Variants in DUSP16 observed in about 807,000 individuals in gnomAD.
DUSP16 encodes dual specificity phosphatase 16, also known as dual specificity protein phosphatase 16.
Under a neutral mutation model 58.3 loss-of-function variants are expected in DUSP16, and 21 were observed. The ratio of observed to expected loss-of-function variants is 0.36; its 90% confidence interval spans 0.26 to 0.52. The LOEUF (loss-of-function observed/expected upper bound fraction) is 0.52. DUSP16 is among the 20% of genes least tolerant of loss of function. DUSP16 has a pLI of 0.94. For missense variants in DUSP16, 726 were observed against 819.0 expected, an observed-to-expected ratio of 0.89 and a Z score of 1.39; for synonymous variants, 320 against 323.8, an observed-to-expected ratio of 0.99 and a Z score of 0.12.
rs78156827 is a variant in DUSP16 at position 12,509,053 on chromosome 12, T to C, written c.368-8371A>G. 5.5e-3 allele frequency among the ~76,000 whole-genome samples: 841 copies of C among 152,314 alleles called. 6 individuals carry two copies. Among genetic ancestry groups the C allele is most frequent in the African/African-American group, 0.018 (766 of 41,570 alleles). Reference sequence around the variant, plus strand: ...GTAACTATTCTGCTGATCTTTTAAATTGGCAATACATAACTATGCCCAGAA... The same window carrying C: ...GTAACTATTCTGCTGATCTTTTAAACTGGCAATACATAACTATGCCCAGAA... On this transcript the variant is annotated intron_variant, in intron 3 of 6. Transcript: ENST00000298573.
At chr12:12,518,693 T>C (rs959184560) in intron 3 of DUSP16, among the ~76,000 whole-genome samples, 1 of 152,200 alleles carries the variant, frequency 6.6e-6, no homozygotes, top group African/African-American at 2.4e-5. Context: ...AGAATGTGTC[T>C]ATCAACAGAG....
At chr12:12,530,764 TATCTACTAAGAGA>T (rs1246054077) in intron 1 of DUSP16, among the ~76,000 whole-genome samples, 1 of 152,190 alleles carries the variant, frequency 6.6e-6, no homozygotes, top group Non-Finnish European at 1.5e-5. Context: ...AAGTGTGTTG[TATCTACTAAGAGA>T]ATCTTAGTTT....
chr12:12,477,233 C>T lies in DUSP16; in HGVS notation c.1598G>A (p.Gly533Asp). 3 of 1,614,156 alleles carry T rather than the reference C, an allele frequency of 1.9e-6. No homozygotes were observed. Among genetic ancestry groups the T allele is most frequent in the African/African-American group, 1.3e-5 (1 of 75,046 alleles). Residue 533 changes from glycine (G) to aspartate (D), a missense_variant, in exon 7 of 7, where the codon GGC becomes GAC. Gly to Asp is a moderately conservative substitution (Grantham distance 94). Coordinates refer to ENST00000298573, the MANE Select transcript of DUSP16 (RefSeq NM_030640.3). This position sits in a 1 kb window ranked among gnomAD's most constrained non-coding sequence, Gnocchi z 4.1. ...CGAGTGCCAGCCCTTAAGGCCCAGGCCAGCAGACTTCGTGAGGTGCTGCTG... is the reference window on the plus strand; with the variant it reads ...CGAGTGCCAGCCCTTAAGGCCCAGGTCAGCAGACTTCGTGAGGTGCTGCTG... Reference protein sequence around the residue: ...TSQQHLTKSAGLGLKGWHSDI... With the variant: ...TSQQHLTKSADLGLKGWHSDI...
At chr12:12,527,639 T>A (rs1944324887) in intron 1 of DUSP16, among the ~76,000 whole-genome samples, 1 of 152,158 alleles carries the variant, frequency 6.6e-6, no homozygotes, top group African/African-American at 2.4e-5. Context: ...TATAAAAGTA[T>A]AAAACAAAGT....
At position 12,562,839 on chromosome 12, in the gene DUSP16, T is replaced by G. The variant is rs929276890; in HGVS notation, c.-1088A>C. Among the ~76,000 whole-genome samples the G allele has an allele frequency of 9.2e-5, 14 of 151,720 alleles. No individual in the cohort carries two copies. The highest frequency in any genetic ancestry group is 4.6e-4 in the Admixed American group (7 of 15,268). Reference sequence around the variant, plus strand: ...CCGCTCGGGGAGGGGTCAGGTCATGTTCCCTTCCAGAGTCCGGCGACTCTG... The same window carrying G: ...CCGCTCGGGGAGGGGTCAGGTCATGGTCCCTTCCAGAGTCCGGCGACTCTG... On this transcript the variant is annotated 5_prime_UTR_variant, in exon 1 of 7. Transcript: ENST00000298573.
At chr12:12,498,150 A>C (rs1219764108) in intron 4 of DUSP16, among the ~76,000 whole-genome samples, 1 of 152,146 alleles carries the variant, frequency 6.6e-6, no homozygotes, top group Non-Finnish European at 1.5e-5. Context: ...TTTCTCTTGG[A>C]AAGTATAAAT....
At chr12:12,547,933 T>C (rs1944671157) in intron 1 of DUSP16, among the ~76,000 whole-genome samples, 2 of 152,128 alleles carry the variant, frequency 1.3e-5, no homozygotes, top group Non-Finnish European at 2.9e-5. Flanking sequence ...ATCCCTCTGG[T>C]TTACATATAA....
chr12:12,497,495 A>G (rs1346284567), intron 4 of DUSP16, among the ~76,000 whole-genome samples: 1 of 152,190 alleles, frequency 6.6e-6, no homozygotes, highest in African/African-American at 2.4e-5. Flanking sequence ...TCTGAAGTCC[A>G]TGACATAATC....
chr12:12,543,578 T>C (rs74061706), intron 1 of DUSP16, among the ~76,000 whole-genome samples: 8,304 of 152,246 alleles, frequency 0.055, 249 homozygotes, highest in Middle Eastern at 0.075. Flanking sequence ...CCCTGTAACA[T>C]GTTTATAACT....
chr12:12,544,534 C>G (rs971156704), intron 1 of DUSP16, among the ~76,000 whole-genome samples: 10 of 152,198 alleles, frequency 6.6e-5, no homozygotes, highest in Non-Finnish European at 8.8e-5. Flanking sequence ...ATAATAGATA[C>G]AACCAGTTTT....
intron 3 of DUSP16, 33 bp downstream of exon 3, chr12:12,519,829 T>G (rs761030626): frequency 6.2e-7 from 1 of 1,612,466 alleles, no homozygotes. Flanking sequence ...TCAGCAAGAT[T>G]CTGAGTCCTT....
intron 3 of DUSP16, among the ~76,000 whole-genome samples, chr12:12,514,940 T>C (rs1944126373): frequency 6.6e-6 from 1 of 152,174 alleles, no homozygotes; most frequent in African/African-American, 2.4e-5. Context: ...AATACAGGCA[T>C]AAGCCACCAT....
In DUSP16 at chr12:12,521,355, T is replaced by C. The variant is rs1592191876; in HGVS notation, c.-257A>G. 7.3e-7 allele frequency: 1 copy of C among 1,362,848 alleles called. No homozygotes were observed. The highest frequency in any genetic ancestry group is 2.9e-5 in the East Asian group (1 of 34,114). The allele number at this position is 1,362,848 out of a possible 1,614,324, so 84.4% of individuals were successfully genotyped here. ...CCCTCACATTTGATTCATAAAGAGA[T>C]GACTGGAATAACCATTCCACAACAA... On this transcript the variant is annotated 5_prime_UTR_variant, in exon 2 of 7. Transcript: ENST00000298573.
At chr12:12,505,032 A>T (rs769125091) in intron 3 of DUSP16, among the ~76,000 whole-genome samples, 5 of 152,218 alleles carry the variant, frequency 3.3e-5, no homozygotes, top group Non-Finnish European at 7.3e-5. Flanking sequence ...TGTACTGAAC[A>T]CTTACTGCGT....
At chr12:12,527,612 T>G (rs760216269) in intron 1 of DUSP16, among the ~76,000 whole-genome samples, 3 of 152,220 alleles carry the variant, frequency 2.0e-5, no homozygotes, top group Non-Finnish European at 4.4e-5. Flanking sequence ...ATATACTTTA[T>G]AATATGTACT....
intron 1 of DUSP16, among the ~76,000 whole-genome samples, chr12:12,551,254 C>T (rs1047587349): frequency 6.6e-6 from 1 of 151,952 alleles, no homozygotes; most frequent in African/African-American, 2.4e-5. Context: ...GTAACCCCAG[C>T]ACCTCGGGAA....
intron 1 of DUSP16, among the ~76,000 whole-genome samples, chr12:12,561,802 C>T (rs918264993): frequency 5.3e-5 from 8 of 151,678 alleles, no homozygotes; most frequent in Non-Finnish European, 1.0e-4. Context: ...CCAAGCGCCG[C>T]GCAGCGGCCG....
At chr12:12,551,319 T>C (rs534770763) in intron 1 of DUSP16, among the ~76,000 whole-genome samples, 32 of 152,000 alleles carry the variant, frequency 2.1e-4, no homozygotes, top group Non-Finnish European at 4.0e-4. Context: ...CTAACCAACA[T>C]GGCGAAACCC....
In DUSP16 at chr12:12,521,120, C is replaced by G; in HGVS notation, c.-22G>C. On this transcript the variant is annotated 5_prime_UTR_variant, in exon 2 of 7. Transcript: ENST00000298573. ...CCATGACAACAATAAGTCCTCTTTTCCCACCTCCTTCTTTAATTTGCCACG... is the reference window on the plus strand; with the variant it reads ...CCATGACAACAATAAGTCCTCTTTTGCCACCTCCTTCTTTAATTTGCCACG... 3 of 1,610,790 alleles carry G rather than the reference C, an allele frequency of 1.9e-6. No individual in the cohort carries two copies. The highest frequency in any genetic ancestry group is 2.5e-6 in the Non-Finnish European group (3 of 1,178,270).
Sources: allele counts gnomAD v4.1 joint callset (sites outside exome capture counted in the v4.1 genomes callset), GRCh38; gene constraint gnomAD v4.1.1; non-coding constraint Gnocchi (gnomAD v3.1); transcripts MANE v1.5; gene names NCBI Gene and HGNC (gene_info 2026-07-23, HGNC 2026-07-21).